Variants in PLS1 observed in about 807,000 individuals in gnomAD.
The protein encoded by PLS1 is plastin 1.
Under a neutral mutation model 73.7 loss-of-function variants are expected in PLS1, and 32 were observed. That is an observed-to-expected ratio of 0.43 (90% CI 0.33 to 0.58). The LOEUF (loss-of-function observed/expected upper bound fraction) is 0.58, where lower values mean the gene tolerates loss of function less well. Ranked by LOEUF, PLS1 falls within the 20% of genes least tolerant of loss-of-function variation. PLS1 has a pLI of 0.04. For synonymous variants in PLS1, 217 were observed against 261.3 expected, an observed-to-expected ratio of 0.83 and a Z score of 1.63; for missense variants, 633 against 740.5, an observed-to-expected ratio of 0.85 and a Z score of 1.68.
chr3:142,675,279 T>C (rs1231224370), intron 4 of PLS1, among the ~76,000 whole-genome samples: 1 of 152,238 alleles, frequency 6.6e-6, no homozygotes, highest in Non-Finnish European at 1.5e-5. Context: ...AAGCAATACA[T>C]ATTTGGAAAT....
chr3:142,682,412 A>T (rs2037874877), intron 6 of PLS1, among the ~76,000 whole-genome samples: 1 of 152,216 alleles, frequency 6.6e-6, no homozygotes, highest in Non-Finnish European at 1.5e-5. Flanking sequence ...ATAGCACACA[A>T]GGTCATATTA....
intron 12 of PLS1, among the ~76,000 whole-genome samples, chr3:142,703,255 C>T (rs1447130047): frequency 6.6e-6 from 1 of 151,056 alleles, no homozygotes; most frequent in Admixed American, 6.6e-5. Flanking sequence ...ACACATGTGC[C>T]ATTAATAAGC....
chr3:142,696,232 A>G (rs1437004112), intron 11 of PLS1, among the ~76,000 whole-genome samples: 1 of 152,244 alleles, frequency 6.6e-6, no homozygotes, highest in Non-Finnish European at 1.5e-5. Context: ...TATTTCATAA[A>G]TGTCAGGAAC....
chr3:142,689,847 A>T (rs763512752), intron 10 of PLS1, 34 bp downstream of exon 10: 1 of 1,338,278 alleles, frequency 7.5e-7, no homozygotes, highest in Admixed American at 2.1e-5. Context: ...GACTTGCTAT[A>T]TTTATCTTCT....
chr3:142,678,429 C>T, intron 6 of PLS1, among the ~76,000 whole-genome samples: 1 of 116,594 alleles, frequency 8.6e-6, no homozygotes, highest in African/African-American at 3.2e-5. Context: ...CCCCTCCCCC[C>T]ACCCCACAAC....
chr3:142,694,083 T>G (rs541499517), intron 10 of PLS1, among the ~76,000 whole-genome samples: 1 of 152,068 alleles, frequency 6.6e-6, no homozygotes, highest in South Asian at 2.1e-4. Flanking sequence ...TTTCTATTTG[T>G]GTTTAATGTG....
chr3:142,676,005 T>C (rs2037717050), intron 4 of PLS1, 152 bp from the exon 5 acceptor site: 1 of 646,592 alleles, frequency 1.5e-6, no homozygotes, highest in African/African-American at 1.9e-5. Context: ...CTTGAACCCT[T>C]TTGTGTTTTA....
In PLS1 at chr3:142,712,773, G is replaced by T. The variant is rs1933195625; in HGVS notation, c.*766G>T. On this transcript the variant is annotated 3_prime_UTR_variant, in exon 16 of 16. Coordinates refer to ENST00000457734, the MANE Select transcript of PLS1 (RefSeq NM_001145319.2). ...TGAATCACCCAGCTTTTCATAAGTG[G>T]TATGTTTAATTGGTCATTCAGCCAA... 6.6e-6 allele frequency: 1 copy of T among 152,456 alleles called. No homozygotes were observed. The highest frequency in any genetic ancestry group is 2.4e-5 in the African/African-American group (1 of 41,428). 9.4% of individuals were successfully genotyped at this position (152,456 alleles called of 1,614,324 possible).
At chr3:142,627,564 A>G (rs569441830) in intron 1 of PLS1, among the ~76,000 whole-genome samples, 44 of 152,252 alleles carry the variant, frequency 2.9e-4, no homozygotes, top group African/African-American at 9.9e-4. Context: ...CTACTTCTAC[A>G]TTAATCAGTA....
Position 142,704,619 on chromosome 3 carries a change from G to C in PLS1, c.1629+33G>C, listed in dbSNP as rs560360926. Reference sequence around the variant, plus strand: ...AGAGTCCTAAAAAAAATTTTTTTTTGTAGGTATAGGAAGGAATTTTTTTTT... The same window carrying C: ...AGAGTCCTAAAAAAAATTTTTTTTTCTAGGTATAGGAAGGAATTTTTTTTT... On this transcript the variant is annotated intron_variant, in intron 14 of 15. Transcript: ENST00000457734. 14 of 497,430 alleles carry C rather than the reference G, an allele frequency of 2.8e-5. No individual in the cohort carries two copies. In the East Asian group the frequency reaches 8.2e-4, roughly 29 times the overall value. 30.8% of individuals were successfully genotyped at this position (497,430 alleles called of 1,614,324 possible). A position where few individuals can be genotyped will look rare whatever the true frequency, so the allele number is the denominator to read the frequency against.
intron 6 of PLS1, among the ~76,000 whole-genome samples, chr3:142,679,030 T>G (rs2107871184): frequency 6.6e-6 from 1 of 151,936 alleles, no homozygotes; most frequent in Middle Eastern, 3.4e-3. Context: ...CCAGTGATGA[T>G]GAGCATTTTT....
chr3:142,620,907 A>G (rs1433499311), intron 1 of PLS1, among the ~76,000 whole-genome samples: 2 of 152,154 alleles, frequency 1.3e-5, no homozygotes, highest in African/African-American at 2.4e-5. Context: ...AATCACAGCT[A>G]CTAGAGAGGC....
intron 11 of PLS1, among the ~76,000 whole-genome samples, chr3:142,696,258 C>CT (rs1359355482): frequency 1.3e-5 from 2 of 152,210 alleles, no homozygotes; most frequent in Non-Finnish European, 2.9e-5. Context: ...AGTTCTATCA[C>CT]TGACAGTGGA....
chr3:142,711,510 AT>A lies in PLS1; in HGVS notation c.1640del (p.Ile547LysfsTer8). ...TSISSFKDKS[I>X]STSLPVLDLI... The stretch of plus-strand genomic sequence containing the variant: ...ATGCTTTATTTTCTAGGATAAATCT[AT>A]AAGCACAAGTTTACCTGTCCTAGAT... On this transcript the variant is annotated frameshift_variant, in exon 15 of 16. Coordinates refer to ENST00000457734, the MANE Select transcript of PLS1 (RefSeq NM_001145319.2). LOFTEE classifies it high-confidence loss of function. The A allele has an allele frequency of 6.3e-7, 1 of 1,585,124 alleles. No individual in the cohort carries two copies. The highest frequency in any genetic ancestry group is 8.6e-7 in the Non-Finnish European group (1 of 1,156,368).
chr3:142,612,109 A>AT (rs2036133326), intron 1 of PLS1, among the ~76,000 whole-genome samples: 1 of 152,244 alleles, frequency 6.6e-6, no homozygotes, highest in Non-Finnish European at 1.5e-5. Flanking sequence ...AGATTAAAAA[A>AT]TTATTTTTCC....
chr3:142,704,014 AT>A lies in PLS1; in HGVS notation c.1505+14del, dbSNP rs768412286. 83 of 1,611,932 alleles carry A rather than the reference AT, an allele frequency of 5.1e-5. No individual in the cohort carries two copies. The highest frequency in any genetic ancestry group is 7.0e-5 in the Non-Finnish European group (82 of 1,178,766). On this transcript the variant is annotated intron_variant, in intron 13 of 15. Transcript: ENST00000457734. ...AGCTGATGAGAAGGTAAAGGCTGAT[AT>A]GTTGGTAGCAACACTGCCTGTTTCC...
rs748244444 is a variant in PLS1 at position 142,669,393 on chromosome 3, T to C, written c.74T>C (p.Ile25Thr). Residue 25 changes from isoleucine (I) to threonine (T), a missense_variant, in exon 3 of 16, where the codon ATT (isoleucine) becomes ACT (threonine). Coordinates refer to ENST00000457734, the MANE Select transcript of PLS1 (RefSeq NM_001145319.2). ...ATTTTATAATATATCTTTACAGATA[T>C]TGACAATAGTGGGTATGTCAGTGAC... is the stretch of plus-strand genomic sequence containing the variant. ...ELQEAFNKID[I>T]DNSGYVSDYE... 2.6e-6 allele frequency: 4 copies of C among 1,519,490 alleles called. No homozygotes were observed. Among genetic ancestry groups the C allele is most frequent in the East Asian group, 4.5e-5 (2 of 43,972 alleles). 94.1% of individuals were successfully genotyped at this position (1,519,490 alleles called of 1,614,324 possible). A position where few individuals can be genotyped will look rare whatever the true frequency, so the allele number is the denominator to read the frequency against.
At chr3:142,684,697 G>A (rs776831593) in intron 8 of PLS1, among the ~76,000 whole-genome samples, 41 of 152,292 alleles carry the variant, frequency 2.7e-4, no homozygotes, top group Non-Finnish European at 5.1e-4. Context: ...AGATTATAAT[G>A]AGGATGTCAG....
chr3:142,680,267 G>C (rs1271955745), intron 6 of PLS1, among the ~76,000 whole-genome samples: 1 of 152,106 alleles, frequency 6.6e-6, no homozygotes, highest in African/African-American at 2.4e-5. Context: ...GTCTTGCTGT[G>C]TTGCTCAGTC....
Sources: allele counts gnomAD v4.1 joint callset (sites outside exome capture counted in the v4.1 genomes callset), GRCh38; gene constraint gnomAD v4.1.1; transcripts MANE v1.5; gene names NCBI Gene and HGNC (gene_info 2026-07-23, HGNC 2026-07-21).